The following RBL2 variants were observed in gnomAD, a reference collection of about 807,000 sequenced individuals.
RBL2 encodes retinoblastoma-like protein 2.
In RBL2, 56 loss-of-function variants were observed where a neutral mutation model predicts 126.0. That is an observed-to-expected ratio of 0.44 (90% CI 0.36 to 0.56). The LOEUF (loss-of-function observed/expected upper bound fraction) is 0.56. Among genes scored for constraint, RBL2 ranks in the 20% least tolerant of loss-of-function variants. The probability of loss-of-function intolerance (pLI) is 0.00; values close to 1 mark genes in which losing one functional copy is unlikely to be tolerated. For missense variants in RBL2, 1,229 were observed against 1,398.2 expected (o/e 0.88, Z 1.93); for synonymous variants, 454 against 478.5 (o/e 0.95, Z 0.67).
In RBL2 at chr16:53,490,211, G is replaced by C. The variant is rs1308046936; in HGVS notation, c.3331G>C (p.Glu1111Gln). 3.7e-6 allele frequency: 6 copies of C among 1,612,314 alleles called. No individual in the cohort carries two copies. The East Asian group carries it at 1.3e-4, about 36-fold the overall frequency. The change falls in exon 22 of 22, where the codon GAA becomes CAA. Residue 1111 changes from glutamate to glutamine, a missense_variant. Physicochemically the swap from Glu to Gln is conservative, Grantham distance 29. This residue lies in a region of RBL2 where 1,070 missense variants were observed against 1,274.3 expected (regional missense o/e 0.84). Transcript: ENST00000262133. ...AGGAATTCTTTTGGAAGATGGAAGT[G>C]AATCACCTGCAAAAAGAATTTGCCC... ...KRGILLEDGS[E>Q]SPAKRICPEN...
At chr16:53,435,751 T>C (rs1330527846) in intron 1 of RBL2, 11 of 1,286,022 alleles carry the variant, frequency 8.6e-6, no homozygotes, top group Non-Finnish European at 1.1e-5. Context: ...CAAGGTATTA[T>C]TTAAATATGA....
chr16:53,468,473 CT>C (rs2058291278), intron 14 of RBL2, among the ~76,000 whole-genome samples: 2 of 152,118 alleles, frequency 1.3e-5, no homozygotes, highest in African/African-American at 4.8e-5. Context: ...GACAGCTGGT[CT>C]TTCTTAGTCT....
rs756763534 is a variant in RBL2 at position 53,457,258 on chromosome 16, C to CTTTTTTTTTTTTTTTTTTTTTT, written c.1180-2174_1180-2173insTTTTTTTTTTTTTTTTTTTTTT. ...GGGTCATCAGGGTGGGTACAGATAG[C>CTTTTTTTTTTTTTTTTTTTTTT]TTTTTTTTTTTTTTTTTTTGAGATG... On this transcript the variant is annotated intron_variant, in intron 8 of 21. Coordinates refer to ENST00000262133, the MANE Select transcript of RBL2 (RefSeq NM_005611.4). Among the ~76,000 whole-genome samples the CTTTTTTTTTTTTTTTTTTTTTT allele has an allele frequency of 3.6e-4, 32 of 89,932 alleles. 4 individuals are homozygous for CTTTTTTTTTTTTTTTTTTTTTT. Among genetic ancestry groups the CTTTTTTTTTTTTTTTTTTTTTT allele is most frequent in the African/African-American group, 6.0e-4 (10 of 16,716 alleles). The allele number at this position is 89,932 out of a possible 152,430, so 59.0% of individuals were successfully genotyped here. A position where few individuals can be genotyped will look rare whatever the true frequency, so the allele number is the denominator to read the frequency against.
intron 20 of RBL2, 96 bp downstream of exon 20, chr16:53,480,865 T>C (rs1395501669): frequency 4.7e-6 from 6 of 1,287,790 alleles, no homozygotes; most frequent in Admixed American, 2.0e-5. Flanking sequence ...GGTCCGTATA[T>C]AAACTAGTTT....
chr16:53,461,201 G>A (rs1377602999), intron 9 of RBL2, among the ~76,000 whole-genome samples: 1 of 152,254 alleles, frequency 6.6e-6, no homozygotes, highest in Non-Finnish European at 1.5e-5. Context: ...GCACTGAAAG[G>A]TGTATCCCCG....
chr16:53,458,387 ATCT>A (rs1303590502), intron 8 of RBL2, among the ~76,000 whole-genome samples: 1 of 152,244 alleles, frequency 6.6e-6, no homozygotes, highest in Non-Finnish European at 1.5e-5. Flanking sequence ...ACCAAGTCAC[ATCT>A]TCTCCATATT....
intron 20 of RBL2, chr16:53,481,007 A>G (rs1960924512): frequency 2.8e-6 from 1 of 354,396 alleles, no homozygotes; most frequent in Non-Finnish European, 5.2e-6. Context: ...AAAAATACAA[A>G]AATGAGCTGG....
intron 14 of RBL2, 101 bp from the exon 15 acceptor site, chr16:53,469,814 TA>T: frequency 1.6e-6 from 2 of 1,286,042 alleles, no homozygotes; most frequent in Non-Finnish European, 2.1e-6. Flanking sequence ...AATTATGAAG[TA>T]TTTCAAACAC....
chr16:53,454,939 T>C lies in RBL2; in HGVS notation c.1179+97T>C, dbSNP rs184280793. Reference sequence around the variant, plus strand: ...ATTTCATGTTTGTGTTTTACTTGCCTACAGTATGAAGGAGAAAATTCTCAT... The same window carrying C: ...ATTTCATGTTTGTGTTTTACTTGCCCACAGTATGAAGGAGAAAATTCTCAT... On this transcript the variant is annotated intron_variant, in intron 8 of 21. Transcript: ENST00000262133. 1.0e-4 allele frequency: 114 copies of C among 1,092,088 alleles called. 1 individual carries two copies. In the African/African-American group the frequency reaches 1.2e-3, roughly 12 times the overall value. The allele number at this position is 1,092,088 out of a possible 1,614,324, so 67.6% of individuals were successfully genotyped here.
At position 53,490,723 on chromosome 16, in the gene RBL2, G is replaced by A. The variant is rs1598143277; in HGVS notation, c.*423G>A. The stretch of plus-strand genomic sequence containing the variant: ...TCATAAAAAGCAAAACAAAAATTAG[G>A]TATTTTGTCCTAAAACACCTGGTAG... On this transcript the variant is annotated 3_prime_UTR_variant, in exon 22 of 22. Coordinates refer to ENST00000262133, the MANE Select transcript of RBL2 (RefSeq NM_005611.4). The A allele has an allele frequency of 6.5e-6, 1 of 153,452 alleles. No homozygotes were observed. The highest frequency in any genetic ancestry group is 1.9e-4 in the East Asian group (1 of 5,238). 9.5% of individuals were successfully genotyped at this position (153,452 alleles called of 1,614,324 possible). A position where few individuals can be genotyped will look rare whatever the true frequency, so the allele number is the denominator to read the frequency against.
intron 4 of RBL2, among the ~76,000 whole-genome samples, chr16:53,450,740 T>C (rs1272074154): frequency 6.6e-6 from 1 of 152,198 alleles, no homozygotes; most frequent in African/African-American, 2.4e-5. Flanking sequence ...TTGAAAGATA[T>C]TTAATGGTAC....
Position 53,481,756 on chromosome 16 carries a change from A to G in RBL2, c.3170A>G (p.Tyr1057Cys), listed in dbSNP as rs1209344144. The G allele has an allele frequency of 5.6e-6, 9 of 1,594,952 alleles. No individual in the cohort carries two copies. The Admixed American group carries it at 6.7e-5, about 12-fold the overall frequency. ...RIQLSQNHPV[Y>C]ISPHKNETML... ...CAGTTGTCTCAAAATCATCCTGTCT[A>G]CATTTCCCCACATAAAAATGAAACA... The change falls in exon 21 of 22, where the codon TAC (tyrosine) becomes TGC (cysteine). Residue 1057 changes from tyrosine to cysteine, a missense_variant. Physicochemically the swap from Tyr to Cys is radical, Grantham distance 194. Coordinates refer to ENST00000262133, the MANE Select transcript of RBL2 (RefSeq NM_005611.4).
At chr16:53,434,961 G>A (rs2057942121) in intron 1 of RBL2, among the ~76,000 whole-genome samples, 165 bp downstream of exon 1, 1 of 152,154 alleles carries the variant, frequency 6.6e-6, no homozygotes, top group Non-Finnish European at 1.5e-5. Flanking sequence ...GCCGCTCCGA[G>A]GGCTAACCCG....
At chr16:53,476,113 C>T (rs542551593) in intron 17 of RBL2, among the ~76,000 whole-genome samples, 4 of 152,024 alleles carry the variant, frequency 2.6e-5, no homozygotes, top group Admixed American at 6.6e-5. Context: ...TGTGAGCCAC[C>T]GCCCTTGGCC....
chr16:53,452,673 A>T (rs890438882), intron 5 of RBL2, among the ~76,000 whole-genome samples: 2 of 148,766 alleles, frequency 1.3e-5, no homozygotes, highest in South Asian at 2.1e-4. Flanking sequence ...ATTAAAAAGA[A>T]TTTTTTTTTT....
intron 1 of RBL2, 115 bp downstream of exon 1, chr16:53,434,911 G>A: frequency 1.5e-6 from 2 of 1,360,402 alleles, no homozygotes; most frequent in Non-Finnish European, 1.9e-6. Context: ...CCAGCCCCGA[G>A]AGGGGTGGGG....
At chr16:53,436,151 C>T (rs2057956652) in intron 1 of RBL2, among the ~76,000 whole-genome samples, 1 of 151,998 alleles carries the variant, frequency 6.6e-6, no homozygotes, top group Non-Finnish European at 1.5e-5. Context: ...GACTGGTTGG[C>T]TTTTTATGTT....
intron 5 of RBL2, 80 bp from the exon 6 acceptor site, chr16:53,453,372 T>C: frequency 7.6e-7 from 1 of 1,313,050 alleles, no homozygotes. Flanking sequence ...CTGATTATAC[T>C]CTATGTTTTA....
intron 3 of RBL2, 143 bp from the exon 4 acceptor site, chr16:53,446,899 C>T (rs1012864489): frequency 8.3e-5 from 36 of 433,786 alleles, no homozygotes; most frequent in Middle Eastern, 1.1e-3. Context: ...TAAGGCAGAA[C>T]GTCCACGTTT....
Sources: allele counts gnomAD v4.1 joint callset (sites outside exome capture counted in the v4.1 genomes callset), GRCh38; gene constraint gnomAD v4.1.1; regional missense constraint gnomAD v4.1.1; transcripts MANE v1.5; gene names NCBI Gene and HGNC (gene_info 2026-07-23, HGNC 2026-07-21).